Variants in NOM1 observed in about 807,000 individuals in gnomAD.
The protein encoded by NOM1 is nucleolar MIF4G domain-containing protein 1.
In NOM1, 58 loss-of-function variants were observed where a neutral mutation model predicts 73.3. That is an observed-to-expected ratio of 0.79 (90% confidence interval 0.64 to 0.99). The LOEUF is 0.99. Among genes scored for constraint, NOM1 ranks in the 50% least tolerant of loss-of-function variants. The probability of loss-of-function intolerance (pLI) is 0.00; values close to 1 mark genes in which losing one functional copy is unlikely to be tolerated. For missense variants in NOM1, 1,226 were observed against 1,131.9 expected, an observed-to-expected ratio of 1.08 and a Z score of -1.19; for synonymous variants, 487 against 446.8, an observed-to-expected ratio of 1.09 and a Z score of -1.14.
At chr7:156,964,804 C>T (rs1032013022) in intron 7 of NOM1, among the ~76,000 whole-genome samples, 1 of 151,974 alleles carries the variant, frequency 6.6e-6, no homozygotes, top group South Asian at 2.1e-4. Flanking sequence ...GTGGCCTTGC[C>T]GTTTTGCCGA....
intron 1 of NOM1, among the ~76,000 whole-genome samples, chr7:156,951,217 G>C (rs909404291): frequency 6.6e-6 from 1 of 152,168 alleles, no homozygotes; most frequent in African/African-American, 2.4e-5. Flanking sequence ...GGCTAACGTG[G>C]TGAAACCCCG....
In NOM1 at chr7:156,969,742, A is replaced by G. The variant is rs771553826; in HGVS notation, c.*39A>G. On this transcript the variant is annotated 3_prime_UTR_variant, in exon 11 of 11. Coordinates refer to ENST00000275820, the MANE Select transcript of NOM1 (RefSeq NM_138400.2). ...GAGGGCAGGTGGCCCTTTGACTGTA[A>G]AATGTCCTTGGTAAACCCAAAGGCT... The G allele has an allele frequency of 6.4e-7, 1 of 1,571,450 alleles. No homozygotes were observed. The highest frequency in any genetic ancestry group is 1.1e-5 in the South Asian group (1 of 88,028).
rs753515293 is a variant in NOM1, at chr7:156,964,026, A to G, written c.2033A>G (p.Lys678Arg). Residue 678 changes from lysine (K) to arginine (R), a missense_variant and splice_region_variant, in exon 7 of 11, where the codon AAG (lysine) becomes AGG (arginine). Physicochemically the swap from Lys to Arg is conservative, Grantham distance 26. Coordinates refer to ENST00000275820, the MANE Select transcript of NOM1 (RefSeq NM_138400.2). ...TTGGATGCTTTTGAAAAGCTTCTGA[A>G]GTAAGCATTTGTGTGCACATTTTGA... Reference protein sequence around the residue: ...DFLDAFEKLLKLGLKDQQERE... With the variant: ...DFLDAFEKLLRLGLKDQQERE... 2 of 1,612,820 alleles carry G rather than the reference A, an allele frequency of 1.2e-6. No homozygotes were observed. Among genetic ancestry groups the G allele is most frequent in the Admixed American group, 3.3e-5 (2 of 59,720 alleles).
Position 156,962,223 on chromosome 7 carries a change from G to T in NOM1, c.1705G>T (p.Glu569Ter). Reference sequence around the variant, plus strand: ...GCGCAAAATTCCAGGCTATGACCCCGAGCCCGTGGAGAAGCTGAGGAAACT... The same window carrying T: ...GCGCAAAATTCCAGGCTATGACCCCTAGCCCGTGGAGAAGCTGAGGAAACT... ...DMRKIPGYDP[E>*]PVEKLRKLQR... Residue 569 changes from glutamate (E) to a stop codon, truncating the protein, a stop_gained, in exon 5 of 11, where the codon GAG (glutamate) becomes TAG (stop). Transcript: ENST00000275820. LOFTEE classifies it high-confidence loss of function. The T allele has an allele frequency of 6.2e-7, 1 of 1,614,112 alleles. No homozygotes were observed. The highest frequency in any genetic ancestry group is 8.5e-7 in the Non-Finnish European group (1 of 1,180,012).
chr7:156,969,457 C>T, intron 10 of NOM1, 72 bp from the exon 11 acceptor site: 2 of 1,296,658 alleles, frequency 1.5e-6, no homozygotes, highest in Non-Finnish European at 1.1e-6. Context: ...TCTCACTATG[C>T]GAGATACCCA....
chr7:156,969,152 A>C lies in NOM1; in HGVS notation c.2364A>C (p.Leu788=). Residue 788 remains leucine (L), a synonymous_variant, in exon 10 of 11, where the codon CTA becomes CTC. Coordinates refer to ENST00000275820, the MANE Select transcript of NOM1 (RefSeq NM_138400.2). ...TTTTACGAAAAGTATTAAGTATCCT[A>C]TTAATGGAAACAGAAGTTGAAGACC... ...VRFLRKVLSI[L]LMETEVEDLS... The C allele has an allele frequency of 1.2e-6, 2 of 1,601,588 alleles. No homozygotes were observed. The highest frequency in any genetic ancestry group is 4.5e-5 in the East Asian group (2 of 44,842).
At chr7:156,967,176 C>G in intron 9 of NOM1, 84 bp downstream of exon 9, 1 of 1,481,262 alleles carries the variant, frequency 6.8e-7, no homozygotes, top group Non-Finnish European at 9.1e-7. Flanking sequence ...TCCTGTTTTA[C>G]CAGCGTATTT....
chr7:156,957,221 G>A (rs1483112102), intron 3 of NOM1, among the ~76,000 whole-genome samples: 1 of 152,084 alleles, frequency 6.6e-6, no homozygotes, highest in African/African-American at 2.4e-5. Context: ...GTCCTGTACC[G>A]AGAAAAACAT....
Position 156,970,388 on chromosome 7 carries a change from A to C in NOM1, c.*685A>C, listed in dbSNP as rs569827000. ...TTACCTTTTTAAAATATTGGTTAGA[A>C]GTTCAAAAACCATCCCTTAAAGGTG... On this transcript the variant is annotated 3_prime_UTR_variant, in exon 11 of 11. Transcript: ENST00000275820. 6.6e-6 allele frequency: 1 copy of C among 152,144 alleles called. No homozygotes were observed. Among genetic ancestry groups the C allele is most frequent in the African/African-American group, 2.4e-5 (1 of 41,424 alleles). 9.4% of individuals were successfully genotyped at this position (152,144 alleles called of 1,614,324 possible).
At position 156,949,797 on chromosome 7, in the gene NOM1, C is replaced by G; in HGVS notation, c.60C>G (p.Val20=). 3.5e-6 allele frequency: 5 copies of G among 1,427,100 alleles called. No homozygotes were observed. Among genetic ancestry groups the G allele is most frequent in the Non-Finnish European group, 3.7e-6 (4 of 1,095,208 alleles). The allele number at this position is 1,427,100 out of a possible 1,614,324, so 88.4% of individuals were successfully genotyped here. ...CGGGCGGCTCCCAGGGACGCGTGGT[C>G]CGCATGAAGCGCAGAGGCGGGCGCG... ...AGPGGSQGRV[V]RMKRRGGRGP... The change falls in exon 1 of 11, where the codon GTC becomes GTG. Residue 20 remains valine (V), a synonymous_variant. Transcript: ENST00000275820.
At position 156,949,813 on chromosome 7, in the gene NOM1, G is replaced by A. The variant is rs970211966; in HGVS notation, c.76G>A (p.Gly26Ser). 2 of 1,443,582 alleles carry A rather than the reference G, an allele frequency of 1.4e-6. No homozygotes were observed. Among genetic ancestry groups the A allele is most frequent in the Non-Finnish European group, 1.8e-6 (2 of 1,101,558 alleles). 89.4% of individuals were successfully genotyped at this position (1,443,582 alleles called of 1,614,324 possible). A position where few individuals can be genotyped will look rare whatever the true frequency, so the allele number is the denominator to read the frequency against. Residue 26 changes from glycine (G) to serine (S), a missense_variant, in exon 1 of 11, where the codon GGC becomes AGC. By Grantham distance (56) the Gly-to-Ser change is moderately conservative. Transcript: ENST00000275820. ...QGRVVRMKRRGGRGPRRGPAG... is the reference protein window; with the variant it reads ...QGRVVRMKRRSGRGPRRGPAG... Reference sequence around the variant, plus strand: ...ACGCGTGGTCCGCATGAAGCGCAGAGGCGGGCGCGGGCCGCGCCGCGGTCC... The same window carrying A: ...ACGCGTGGTCCGCATGAAGCGCAGAAGCGGGCGCGGGCCGCGCCGCGGTCC...
intron 9 of NOM1, 190 bp from the exon 10 acceptor site, chr7:156,968,897 G>A (rs1805072366): frequency 7.5e-6 from 4 of 530,028 alleles, no homozygotes; most frequent in Admixed American, 6.7e-5. Flanking sequence ...CCAGCAGTGT[G>A]TAGGAATTCC....
At chr7:156,960,464 G>T (rs1025316762) in intron 4 of NOM1, among the ~76,000 whole-genome samples, 3 of 152,168 alleles carry the variant, frequency 2.0e-5, no homozygotes, top group Non-Finnish European at 2.9e-5. Context: ...TGGACTTTGG[G>T]CTCTGCCACT....
intron 6 of NOM1, 110 bp from the exon 7 acceptor site, chr7:156,963,794 CA>C (rs1208361136): frequency 7.7e-7 from 1 of 1,303,512 alleles, no homozygotes; most frequent in Non-Finnish European, 1.0e-6. Context: ...GCCATCCGCC[CA>C]CGTAGACCTC....
intron 8 of NOM1, 58 bp downstream of exon 8, chr7:156,966,460 A>G (rs1232145292): frequency 1.3e-6 from 2 of 1,593,592 alleles, no homozygotes; most frequent in African/African-American, 1.3e-5. Context: ...TACACAGGCT[A>G]CCTGGCTCAA....
intron 7 of NOM1, 45 bp from the exon 8 acceptor site, chr7:156,966,225 T>C (rs1223461730): frequency 1.2e-6 from 2 of 1,607,514 alleles, no homozygotes; most frequent in Admixed American, 1.7e-5. Flanking sequence ...CCATTAAACT[T>C]TGGAAGTCGA....
At position 156,950,189 on chromosome 7, in the gene NOM1, C is replaced by T. The variant is rs1319824777; in HGVS notation, c.452C>T (p.Ala151Val). The change falls in exon 1 of 11, where the codon GCC (alanine) becomes GTC (valine). Residue 151 changes from alanine to valine, a missense_variant. By Grantham distance (64) the Ala-to-Val change is moderately conservative. Coordinates refer to ENST00000275820, the MANE Select transcript of NOM1 (RefSeq NM_138400.2). ...AAGCCGCGGCCGTCCCGGGTCAAGGCCAAGGCCACGGCCGCCACCGCAAAG... is the reference window on the plus strand; with the variant it reads ...AAGCCGCGGCCGTCCCGGGTCAAGGTCAAGGCCACGGCCGCCACCGCAAAG... Reference protein sequence around the residue: ...PRKPRPSRVKAKATAATAKTR... With the variant: ...PRKPRPSRVKVKATAATAKTR... 2 of 1,607,788 alleles carry T rather than the reference C, an allele frequency of 1.2e-6. No individual in the cohort carries two copies. The highest frequency in any genetic ancestry group is 1.3e-5 in the African/African-American group (1 of 74,992).
chr7:156,950,570 C>A lies in NOM1; in HGVS notation c.833C>A (p.Ala278Glu), dbSNP rs61747373. ...EKEKKAQEAEAQSEDDDEDTE... is the reference protein window; with the variant it reads ...EKEKKAQEAEEQSEDDDEDTE... ...GAAAAGAAGGCGCAGGAAGCAGAAG[C>A]GCAGAGCGAGGACGACGACGAGGAT... Residue 278 changes from alanine to glutamate, a missense_variant, in exon 1 of 11, where the codon GCG (alanine) becomes GAG (glutamate). Coordinates refer to ENST00000275820, the MANE Select transcript of NOM1 (RefSeq NM_138400.2). 0.16 allele frequency: 264,432 copies of A among 1,604,700 alleles called. 23,629 individuals carry two copies. The highest frequency in any genetic ancestry group is 0.35 in the East Asian group (15,640 of 44,526).
chr7:156,966,790 G>A (rs768936897), intron 8 of NOM1, among the ~76,000 whole-genome samples, 171 bp from the exon 9 acceptor site: 12 of 152,212 alleles, frequency 7.9e-5, no homozygotes, highest in Non-Finnish European at 1.6e-4. Flanking sequence ...TTGTGAAGCT[G>A]TTTGGGACTA....
Sources: allele counts gnomAD v4.1 joint callset (sites outside exome capture counted in the v4.1 genomes callset), GRCh38; gene constraint gnomAD v4.1.1; transcripts MANE v1.5; gene names NCBI Gene and HGNC (gene_info 2026-07-23, HGNC 2026-07-21).